Variants in CA5B observed in about 807,000 individuals in gnomAD.
CA5B encodes the protein carbonic anhydrase 5B, also known as carbonic anhydrase 5B, mitochondrial.
A neutral mutation model predicts 23.1 loss-of-function variants in CA5B; 15 were observed. The observed-to-expected ratio is 0.65, with a 90% CI of 0.43 to 1.00. CA5B has a LOEUF of 1.00. CA5B is among the 50% of genes least tolerant of loss of function. The pLI is 0.00. For synonymous variants in CA5B, 84 were observed against 98.5 expected, an observed-to-expected ratio of 0.85 and a Z score of 0.87; for missense variants, 236 against 252.2, an observed-to-expected ratio of 0.94 and a Z score of 0.43.
At chrX:15,771,593 A>ATT (rs778122450) in intron 3 of CA5B, among the ~76,000 whole-genome samples, 16 of 93,655 alleles carry the variant, frequency 1.7e-4, no homozygotes, top group Middle Eastern at 5.6e-3. Context: ...CGCCCAGCTA[A>ATT]TTTTTTTTTT....
At chrX:15,749,375 T>A (rs1215492757) in intron 1 of CA5B, among the ~76,000 whole-genome samples, 1 of 112,234 alleles carries the variant, frequency 8.9e-6, no homozygotes, top group African/African-American at 3.2e-5. Flanking sequence ...TGTTTTCCCA[T>A]GTTCAAGGGC....
chrX:15,759,900 G>A (rs1043272212), intron 2 of CA5B, among the ~76,000 whole-genome samples: 2 of 107,336 alleles, frequency 1.9e-5, no homozygotes, highest in African/African-American at 3.4e-5. Flanking sequence ...TTATAGGTGC[G>A]CACCACCACG....
chrX:15,778,363 T>G (rs908509562), intron 7 of CA5B, among the ~76,000 whole-genome samples: 2 of 112,032 alleles, frequency 1.8e-5, no homozygotes, highest in Non-Finnish European at 3.8e-5. Context: ...GATTTTTAAA[T>G]TGATATGCTA....
In CA5B at chrX:15,764,637, A is replaced by G. The variant is rs149397415; in HGVS notation, c.202A>G (p.Asn68Asp). 3.6e-5 allele frequency: 42 copies of G among 1,182,110 alleles called. No individual in the cohort carries two copies. Among genetic ancestry groups the G allele is most frequent in the Non-Finnish European group, 4.3e-5 (38 of 883,623 alleles). ...TGGGGGCGATCGCCAGTCACCCATCAACATTCGGTGGAGGGACAGTGTTTA... is the reference window on the plus strand; with the variant it reads ...TGGGGGCGATCGCCAGTCACCCATCGACATTCGGTGGAGGGACAGTGTTTA... ...VPGGDRQSPI[N>D]IRWRDSVYDP... is the part of the protein sequence containing the mutation. The change falls in exon 3 of 8, where the codon AAC becomes GAC. Residue 68 changes from asparagine to aspartate, a missense_variant. Physicochemically the swap from Asn to Asp is conservative, Grantham distance 23 (BLOSUM62 1). Around this residue, in one of 3 missense-constraint regions of CA5B, gnomAD observed 12 missense variants for 43.6 expected, o/e 0.28. Coordinates refer to ENST00000318636, the MANE Select transcript of CA5B (RefSeq NM_007220.4).
intron 7 of CA5B, among the ~76,000 whole-genome samples, chrX:15,779,784 T>G (rs1931988945): frequency 9.0e-6 from 1 of 111,702 alleles, no homozygotes; most frequent in African/African-American, 3.3e-5. Context: ...ATACATTTAG[T>G]CTGTTTCTAT....
At chrX:15,769,371 T>G in intron 3 of CA5B, 1 of 450,653 alleles carries the variant, frequency 2.2e-6, no homozygotes, top group Non-Finnish European at 2.8e-6. Flanking sequence ...ACACCGTTAC[T>G]GATTTGAATG....
chrX:15,775,775 T>A, intron 6 of CA5B: 1 of 751,073 alleles, frequency 1.3e-6, no homozygotes, highest in Non-Finnish European at 1.6e-6. Flanking sequence ...AAAGGGCTGC[T>A]CTCTGGAGGC....
Position 15,774,352 on chromosome X carries a change from AGC to A in CA5B, c.511_512del (p.Ala171ThrfsTer20), listed in dbSNP as rs1931878119. 1 of 1,206,927 alleles carries A rather than the reference AGC, an allele frequency of 8.3e-7. No homozygotes were observed. Among genetic ancestry groups the A allele is most frequent in the African/African-American group, 1.8e-5 (1 of 56,466 alleles). Reference protein sequence around the residue: ...AVRFENFEDAALEENGLAVIG... With the variant: ...AVRFENFEDAXLEENGLAVIG... ...TCAGATTTGAAAACTTTGAGGATGC[AGC>A]ACTGGAAGAAAATGGTTTGGCTGTG... On this transcript the variant is annotated frameshift_variant, in exon 5 of 8. Coordinates refer to ENST00000318636, the MANE Select transcript of CA5B (RefSeq NM_007220.4). LOFTEE classifies it high-confidence loss of function.
At chrX:15,755,076 A>G (rs1027847169) in intron 2 of CA5B, among the ~76,000 whole-genome samples, 13 of 112,601 alleles carry the variant, frequency 1.2e-4, no homozygotes, top group African/African-American at 3.9e-4. Flanking sequence ...AAGAATAAAA[A>G]TAAAGCCTGG....
At chrX:15,776,294 G>C (rs1438292203) in intron 6 of CA5B, 2 of 93,888 alleles carry the variant, frequency 2.1e-5, no homozygotes, top group Non-Finnish European at 4.1e-5. Flanking sequence ...AGCCGAGATT[G>C]CACCACTGCA....
rs191506492 is a variant in CA5B, at chrX:15,739,008, G to A, written c.-54+656G>A. ...TGCTCAGCCCTAAAGCTGAAGGAGA[G>A]GAACCTCCAAATACAAACCTTGTTG... is the stretch of plus-strand genomic sequence containing the variant. On this transcript the variant is annotated intron_variant, in intron 1 of 7. Transcript: ENST00000318636. Among the ~76,000 whole-genome samples the A allele has an allele frequency of 5.4e-5, 6 of 112,039 alleles. No individual in the cohort carries two copies. In the East Asian group the frequency reaches 1.1e-3, roughly 21 times the overall value.
intron 2 of CA5B, among the ~76,000 whole-genome samples, chrX:15,750,884 T>C (rs1157917938): frequency 3.6e-5 from 4 of 111,685 alleles, no homozygotes; most frequent in Non-Finnish European, 7.5e-5. Context: ...GATCATTGTG[T>C]GTTGTAGGGG....
chrX:15,752,617 A>G (rs765157469), intron 2 of CA5B, among the ~76,000 whole-genome samples: 7 of 110,696 alleles, frequency 6.3e-5, no homozygotes, highest in African/African-American at 2.3e-4. Context: ...CCCAGCTACT[A>G]AGGATGCTGA....
chrX:15,754,878 C>T (rs1931457568), intron 2 of CA5B, among the ~76,000 whole-genome samples: 1 of 112,251 alleles, frequency 8.9e-6, no homozygotes, highest in Admixed American at 9.4e-5. Context: ...GTATAAAATG[C>T]AGCCACTAAC....
chrX:15,775,254 A>G lies in CA5B; in HGVS notation c.564A>G (p.Lys188=). Residue 188 remains lysine (K), a synonymous_variant, in exon 6 of 8, where the codon AAA becomes AAG. Transcript: ENST00000318636. ...TACTTGTTGTTCTTTAGCTAGGCAA[A>G]CATCATAAGGAGCTACAGAAATTAG... is the stretch of plus-strand genomic sequence containing the variant. The part of the protein sequence containing the change: ...AVIGVFLKLG[K]HHKELQKLVD... 3 of 1,193,061 alleles carry G rather than the reference A, an allele frequency of 2.5e-6. No individual in the cohort carries two copies. The highest frequency in any genetic ancestry group is 3.4e-6 in the Non-Finnish European group (3 of 882,814).
intron 7 of CA5B, among the ~76,000 whole-genome samples, chrX:15,780,341 C>T (rs1296861965): frequency 2.8e-5 from 3 of 108,292 alleles, no homozygotes; most frequent in Non-Finnish European, 5.7e-5. Flanking sequence ...GGCACGATCT[C>T]GGCTCACTGC....
chrX:15,762,863 G>C (rs770952174), intron 2 of CA5B: 6 of 366,525 alleles, frequency 1.6e-5, no homozygotes, highest in Non-Finnish European at 3.3e-5. Context: ...ATGTACATTG[G>C]TTCTGCTCAT....
chrX:15,771,447 G>A (rs892531646), intron 3 of CA5B, among the ~76,000 whole-genome samples: 6 of 107,199 alleles, frequency 5.6e-5, no homozygotes, highest in Non-Finnish European at 1.2e-4. Context: ...GTGTGTTTGC[G>A]ACAGAGTCTC....
rs1400358194 is a variant in CA5B, at chrX:15,785,878, T to A, written c.*3214T>A. The A allele has an allele frequency of 9.0e-6, 1 of 110,895 alleles. No homozygotes were observed. The highest frequency in any genetic ancestry group is 1.9e-5 in the Non-Finnish European group (1 of 52,863). The allele number at this position is 110,895 out of a possible 1,213,427, so 9.1% of individuals were successfully genotyped here. ...TCTTGTTTTTTATTTTTTTTTATTT[T>A]TTTTATTTTTTTGAGACAGAGTCGC... On this transcript the variant is annotated 3_prime_UTR_variant, in exon 8 of 8. Coordinates refer to ENST00000318636, the MANE Select transcript of CA5B (RefSeq NM_007220.4).
Sources: gnomAD v4.1 joint callset for allele counts (sites outside exome capture counted in the v4.1 genomes callset) on GRCh38, gnomAD v4.1.1 for gene constraint, gnomAD v4.1.1 regional missense constraint, MANE v1.5 for transcripts, NCBI Gene and HGNC (gene_info 2026-07-23, HGNC 2026-07-21) for gene names.